SEZ6L2: variants seen among roughly 807,000 people sequenced by gnomAD.
SEZ6L2 encodes seizure 6-like protein 2.
In SEZ6L2, 44 loss-of-function variants were observed where a neutral mutation model predicts 97.0. That is an observed-to-expected ratio of 0.45 (90% CI 0.36 to 0.58). SEZ6L2 has a LOEUF of 0.58. Among genes scored for constraint, SEZ6L2 ranks in the 20% least tolerant of loss-of-function variants. SEZ6L2 has a pLI of 0.00. For synonymous variants in SEZ6L2, 543 were observed against 546.1 expected, an observed-to-expected ratio of 0.99 and a Z score of 0.08; for missense variants, 1,086 against 1,233.3, an observed-to-expected ratio of 0.88 and a Z score of 1.79.
At position 29,873,795 on chromosome 16, in the gene SEZ6L2, G is replaced by A. The variant is rs920890928; in HGVS notation, c.2105-66C>T. 9 of 1,411,532 alleles carry A rather than the reference G, an allele frequency of 6.4e-6. No homozygotes were observed. 87.4% of individuals were successfully genotyped at this position (1,411,532 alleles called of 1,614,324 possible). A position where few individuals can be genotyped will look rare whatever the true frequency, so the allele number is the denominator to read the frequency against. ...CAAAGATCAGCCTGGGCAACACAGA[G>A]AGACCCCATCTCTACAAAAAATTGA... On this transcript the variant is annotated intron_variant, in intron 12 of 17. Transcript: ENST00000617533. The surrounding 1 kb of genome is among the most constrained non-coding windows in gnomAD (Gnocchi z 4.3).
At chr16:29,897,558 T>C (rs983955591) in intron 2 of SEZ6L2, among the ~76,000 whole-genome samples, 2 of 152,212 alleles carry the variant, frequency 1.3e-5, no homozygotes, top group African/African-American at 4.8e-5. Flanking sequence ...TCTGTCTCTG[T>C]CTTCCACCAT....
rs754950930 is a variant in SEZ6L2 at position 29,871,499 on chromosome 16, G to A, written c.*200C>T. ...AGGCCCCTCGTTTGGCAACTGAGAA[G>A]AGGCGGCTTTGGGCGGCAGGATGCT... On this transcript the variant is annotated 3_prime_UTR_variant, in exon 18 of 18. Transcript: ENST00000617533. 1 of 630,500 alleles carries A rather than the reference G, an allele frequency of 1.6e-6. No individual in the cohort carries two copies. 39.1% of individuals were successfully genotyped at this position (630,500 alleles called of 1,614,324 possible).
At position 29,895,283 on chromosome 16, in the gene SEZ6L2, C is replaced by A. The variant is rs199665116; in HGVS notation, c.829G>T (p.Gly277Cys). The A allele has an allele frequency of 6.2e-7, 1 of 1,613,956 alleles. No homozygotes were observed. The change falls in exon 5 of 18, where the codon GGT becomes TGT. Residue 277 changes from glycine (G) to cysteine (C), a missense_variant. Coordinates refer to ENST00000617533, the MANE Select transcript of SEZ6L2 (RefSeq NM_001243332.2). The stretch of plus-strand genomic sequence containing the variant: ...CCCTGATAGTGGATCCTGAAGCCAC[C>A]GCCCCTTGGGACCCGTGGGCTCTGG... ...HFQSPRVPRG[G>C]GFRIHYQAYL... is the part of the protein sequence containing the mutation.
chr16:29,872,910 G>A (rs2067816755), intron 14 of SEZ6L2, among the ~76,000 whole-genome samples, 167 bp from the exon 15 acceptor site: 1 of 152,240 alleles, frequency 6.6e-6, no homozygotes, highest in African/African-American at 2.4e-5. Flanking sequence ...GACCAGCACA[G>A]GGCCTTTGTC....
At chr16:29,878,773 T>G (rs1049026039) in intron 9 of SEZ6L2, among the ~76,000 whole-genome samples, 1 of 148,666 alleles carries the variant, frequency 6.7e-6, no homozygotes, top group Non-Finnish European at 1.5e-5. Context: ...CTTTTTTTTT[T>G]TTTTTGTATT....
rs994295577 is a variant in SEZ6L2 at position 29,896,830 on chromosome 16, G to C, written c.503C>G (p.Thr168Ser). ...ITTTTVTTTV[T>S]SPVLCNNNIS... ...CCTTGCTGTCGCCTCACCTGGGCTG[G>C]TCACCGTAGTGGTAACAGTTGTCGT... Residue 168 changes from threonine to serine, a missense_variant, in exon 3 of 18, where the codon ACC becomes AGC. Transcript: ENST00000617533. 3 of 1,613,836 alleles carry C rather than the reference G, an allele frequency of 1.9e-6. No individual in the cohort carries two copies. The highest frequency in any genetic ancestry group is 1.7e-5 in the Admixed American group (1 of 59,992).
chr16:29,877,141 T>C (rs566078172), intron 11 of SEZ6L2, 130 bp downstream of exon 11: 4 of 1,178,254 alleles, frequency 3.4e-6, no homozygotes, highest in South Asian at 3.2e-5. Context: ...ACCTCCTGGC[T>C]TCAAACGATC....
intron 1 of SEZ6L2, among the ~76,000 whole-genome samples, chr16:29,898,562 T>A (rs533355486): frequency 2.6e-5 from 4 of 152,256 alleles, no homozygotes; most frequent in African/African-American, 9.6e-5. Context: ...CCTCTGCTCA[T>A]CTGTCTTTGT....
Position 29,876,304 on chromosome 16 carries a change from C to A in SEZ6L2, c.2104+452G>T, listed in dbSNP as rs914022511. On this transcript the variant is annotated intron_variant, in intron 12 of 17. Transcript: ENST00000617533. This position sits in a 1 kb window ranked among gnomAD's most constrained non-coding sequence, Gnocchi z 6.5. The stretch of plus-strand genomic sequence containing the variant: ...GTGCTCTGACAAGCCTTGGTCCTAG[C>A]AAAGTGGCTCCCTACAATTTCAACT... Among the ~76,000 whole-genome samples the A allele has an allele frequency of 6.6e-6, 1 of 152,204 alleles. No homozygotes were observed. The highest frequency in any genetic ancestry group is 6.5e-5 in the Admixed American group (1 of 15,272).
intron 5 of SEZ6L2, among the ~76,000 whole-genome samples, chr16:29,894,932 C>A (rs1421897471): frequency 2.0e-5 from 3 of 152,112 alleles, no homozygotes; most frequent in African/African-American, 7.2e-5. Flanking sequence ...GTAATCCCAG[C>A]ACTTTGGGAG....
chr16:29,895,980 T>TG, intron 3 of SEZ6L2, 120 bp from the exon 4 acceptor site: 1 of 1,117,052 alleles, frequency 9.0e-7, no homozygotes, highest in Non-Finnish European at 1.3e-6. Context: ...TTGTTTTGTT[T>TG]GAGACAGGGT....
At chr16:29,886,012 T>A (rs2068132476) in intron 7 of SEZ6L2, 2 of 310,858 alleles carry the variant, frequency 6.4e-6, no homozygotes, top group Non-Finnish European at 1.2e-5. Flanking sequence ...ACAGAGCAAG[T>A]AGTGGCAGGG....
At chr16:29,884,913 C>CA (rs1252599198) in intron 8 of SEZ6L2, among the ~76,000 whole-genome samples, 1 of 147,902 alleles carries the variant, frequency 6.8e-6, no homozygotes, top group East Asian at 2.0e-4. Context: ...AACTCCGTCT[C>CA]AAAATAAATA....
chr16:29,884,969 C>A (rs1402875865), intron 8 of SEZ6L2, among the ~76,000 whole-genome samples: 2 of 151,618 alleles, frequency 1.3e-5, no homozygotes, highest in Admixed American at 6.6e-5. Flanking sequence ...GCACTTTGGG[C>A]GGCCGAGGCA....
chr16:29,891,457 T>C (rs1001790035), intron 5 of SEZ6L2, among the ~76,000 whole-genome samples: 2 of 152,092 alleles, frequency 1.3e-5, no homozygotes, highest in African/African-American at 2.4e-5. Flanking sequence ...CTGGCCAATA[T>C]GGTGAAACCC....
At chr16:29,874,243 G>A (rs952959388) in intron 12 of SEZ6L2, among the ~76,000 whole-genome samples, 1 of 152,138 alleles carries the variant, frequency 6.6e-6, no homozygotes, top group Non-Finnish European at 1.5e-5. Flanking sequence ...CTATCCTGGG[G>A]TGAAATTCAA....
In SEZ6L2 at chr16:29,886,400, G is replaced by A. The variant is rs370722063; in HGVS notation, c.1209-651C>T. On this transcript the variant is annotated intron_variant, in intron 7 of 17. Transcript: ENST00000617533. ...TAAATAAATAGATAAATAAGGCCAG[G>A]TGCAGTGGTTCATGCCTGTAATCCT... is the stretch of plus-strand genomic sequence containing the variant. Among the ~76,000 whole-genome samples the A allele has an allele frequency of 1.3e-4, 19 of 151,558 alleles. No homozygotes were observed. In the South Asian group the frequency reaches 3.8e-3, roughly 30 times the overall value.
At chr16:29,883,317 CT>C in intron 8 of SEZ6L2, among the ~76,000 whole-genome samples, 1 of 150,450 alleles carries the variant, frequency 6.6e-6, no homozygotes, top group African/African-American at 2.4e-5. Context: ...TTCTTTTCTT[CT>C]TTTTTTTTGA....
Position 29,877,544 on chromosome 16 carries a change from C to T in SEZ6L2, c.1713-77G>A, listed in dbSNP as rs116165598. 7.0e-4 allele frequency: 934 copies of T among 1,334,886 alleles called. 6 individuals are homozygous for T. In the African/African-American group the frequency reaches 0.011, roughly 15 times the overall value. The allele number at this position is 1,334,886 out of a possible 1,614,324, so 82.7% of individuals were successfully genotyped here. A position where few individuals can be genotyped will look rare whatever the true frequency, so the allele number is the denominator to read the frequency against. On this transcript the variant is annotated intron_variant, in intron 10 of 17. Transcript: ENST00000617533. ...ATCCAGCTCTGCCCCATCCTCAACT[C>T]TGCTCATTGGTAGCCCCTCCTACTC... is the stretch of plus-strand genomic sequence containing the variant.
Sources: gnomAD v4.1 joint callset for allele counts (sites outside exome capture counted in the v4.1 genomes callset) on GRCh38, gnomAD v4.1.1 for gene constraint, Gnocchi (gnomAD v3.1) non-coding constraint, MANE v1.5 for transcripts, NCBI Gene and HGNC (gene_info 2026-07-23, HGNC 2026-07-21) for gene names.